Variants in ANO4 observed in about 807,000 individuals in gnomAD.
The protein encoded by ANO4 is anoctamin 4, also known as anoctamin-4.
A neutral mutation model predicts 141.9 loss-of-function variants in ANO4; 69 were observed. The ratio of observed to expected loss-of-function variants is 0.49; its 90% CI spans 0.40 to 0.59. The LOEUF (loss-of-function observed/expected upper bound fraction) is 0.59, where lower values mean the gene tolerates loss of function less well. Ranked by LOEUF, ANO4 falls within the 20% of genes least tolerant of loss-of-function variation. The pLI is 0.00. For missense variants in ANO4, 894 were observed against 1,162.2 expected (o/e 0.77, Z 3.36); for synonymous variants, 350 against 394.3 (o/e 0.89, Z 1.33).
At position 100,971,222 on chromosome 12, in the gene ANO4, T is replaced by C. The variant is rs1206460190; in HGVS notation, c.457-84T>C. Reference sequence around the variant, plus strand: ...CCCCAAATCATAAACTCTGTCCAGGTCCATGCATTCTAAGTTCCAACTCAA... The same window carrying C: ...CCCCAAATCATAAACTCTGTCCAGGCCCATGCATTCTAAGTTCCAACTCAA... On this transcript the variant is annotated intron_variant, in intron 5 of 27. Coordinates refer to ENST00000392977, the MANE Select transcript of ANO4 (RefSeq NM_001286615.2). 1.0e-5 allele frequency: 9 copies of C among 899,334 alleles called. No individual in the cohort carries two copies. In the East Asian group the frequency reaches 2.3e-4, roughly 23 times the overall value. 55.7% of individuals were successfully genotyped at this position (899,334 alleles called of 1,614,324 possible). A position where few individuals can be genotyped will look rare whatever the true frequency, so the allele number is the denominator to read the frequency against.
chr12:101,010,939 C>T (rs944492414), intron 8 of ANO4, among the ~76,000 whole-genome samples: 1 of 152,080 alleles, frequency 6.6e-6, no homozygotes, highest in Non-Finnish European at 1.5e-5. Flanking sequence ...GAAGTTCTTC[C>T]ACTGCTTTCA....
intron 3 of ANO4, among the ~76,000 whole-genome samples, chr12:100,752,845 T>C (rs1267584421): frequency 6.6e-6 from 1 of 152,166 alleles, no homozygotes; most frequent in African/African-American, 2.4e-5. Flanking sequence ...TAATACTGAA[T>C]AACAAACAAC....
intron 2 of ANO4, among the ~76,000 whole-genome samples, chr12:100,902,585 C>G (rs2040644040): frequency 6.6e-6 from 1 of 152,164 alleles, no homozygotes; most frequent in Admixed American, 6.5e-5. Flanking sequence ...TCACCCAATC[C>G]TGATTCCTCT....
intron 9 of ANO4, 102 bp from the exon 10 acceptor site, chr12:101,036,993 C>A: frequency 1.3e-5 from 15 of 1,164,190 alleles, no homozygotes; most frequent in Non-Finnish European, 1.9e-5. Flanking sequence ...GGGTTGATAG[C>A]CTAGATTGTT....
At chr12:101,093,229 A>T (rs2049848633) in intron 17 of ANO4, among the ~76,000 whole-genome samples, 1 of 152,190 alleles carries the variant, frequency 6.6e-6, no homozygotes, top group Non-Finnish European at 1.5e-5. Flanking sequence ...CATACAGATT[A>T]TGTTGTTTAT....
chr12:100,985,372 C>A (rs2044663120), intron 7 of ANO4, among the ~76,000 whole-genome samples: 1 of 152,158 alleles, frequency 6.6e-6, no homozygotes, highest in South Asian at 2.1e-4. Context: ...GCCAGCATTT[C>A]CTGTATACCA....
At chr12:100,787,062 G>A (rs117332048) in intron 3 of ANO4, among the ~76,000 whole-genome samples, 3 of 152,228 alleles carry the variant, frequency 2.0e-5, no homozygotes, top group African/African-American at 7.2e-5. Context: ...TTATAATCAC[G>A]TATTTGAGTG....
chr12:100,725,761 CAG>C (rs1472975013), intron 1 of ANO4, among the ~76,000 whole-genome samples: 1 of 152,172 alleles, frequency 6.6e-6, no homozygotes, highest in Non-Finnish European at 1.5e-5. Context: ...TTCCCCAAAT[CAG>C]AGTGAAACGG....
intron 8 of ANO4, among the ~76,000 whole-genome samples, chr12:100,992,190 G>A (rs750256404): frequency 6.6e-6 from 1 of 152,166 alleles, no homozygotes. Context: ...ATACTGCATG[G>A]TGTCTTCAAA....
chr12:101,123,077 G>C (rs11837299), intron 26 of ANO4, among the ~76,000 whole-genome samples: 23,048 of 152,018 alleles, frequency 0.15, 1,757 homozygotes, highest in East Asian at 0.19. Flanking sequence ...ATATATTAAA[G>C]CCAGATTAAT....
intron 22 of ANO4, among the ~76,000 whole-genome samples, chr12:101,101,939 C>T (rs185062109): frequency 1.3e-5 from 2 of 152,200 alleles, no homozygotes; most frequent in African/African-American, 4.8e-5. Flanking sequence ...CAAAAATTAG[C>T]TGGGCGCAGT....
At chr12:100,973,960 A>G (rs10860669) in intron 6 of ANO4, among the ~76,000 whole-genome samples, 62,475 of 152,062 alleles carry the variant, frequency 0.41, 13,031 homozygotes, top group East Asian at 0.62. Flanking sequence ...AAAATTGGTG[A>G]TATATAAACT....
At chr12:100,939,219 A>G in intron 3 of ANO4, 96 bp from the exon 4 acceptor site, 1 of 1,288,902 alleles carries the variant, frequency 7.8e-7, no homozygotes, top group Non-Finnish European at 1.1e-6. Flanking sequence ...AAATGATGAG[A>G]AAATATGAAC....
intron 8 of ANO4, among the ~76,000 whole-genome samples, chr12:100,997,321 G>A (rs1303734234): frequency 7.3e-5 from 9 of 124,036 alleles, no homozygotes; most frequent in Non-Finnish European, 1.3e-4. Context: ...GACAGAGCGA[G>A]ACTCTGTCTC....
In ANO4 at chr12:101,066,292, C is replaced by T. The variant is rs150162143; in HGVS notation, c.1313-12901C>T. On this transcript the variant is annotated intron_variant, in intron 14 of 27. Transcript: ENST00000392977. ...TCAAATATGAGAAAGAAATAAATGG[C>T]ACCCAAATTGGAAAGGAAGACATCA... Among the ~76,000 whole-genome samples the T allele has an allele frequency of 9.2e-4, 140 of 152,250 alleles. 2 individuals are homozygous for T. In the East Asian group the frequency reaches 0.019, roughly 21 times the overall value.
At chr12:100,888,274 T>A (rs2039936142) in intron 1 of ANO4, among the ~76,000 whole-genome samples, 1 of 152,194 alleles carries the variant, frequency 6.6e-6, no homozygotes. Flanking sequence ...ACTCTCACAG[T>A]GAGGGTTCAG....
intron 1 of ANO4, among the ~76,000 whole-genome samples, chr12:100,855,041 C>T (rs535667287): frequency 8.7e-4 from 132 of 152,070 alleles, no homozygotes; most frequent in Non-Finnish European, 1.7e-3. Context: ...CCCCTAAGTT[C>T]TAAAGTCTAA....
chr12:100,814,755 C>G (rs1265778609), intron 1 of ANO4, among the ~76,000 whole-genome samples: 1 of 151,986 alleles, frequency 6.6e-6, no homozygotes, highest in Non-Finnish European at 1.5e-5. Flanking sequence ...GATGTTGGGG[C>G]CCTGGTGAAT....
chr12:100,789,938 A>G (rs1368304365), upstream of ANO4, among the ~76,000 whole-genome samples: 1 of 152,206 alleles, frequency 6.6e-6, no homozygotes, highest in Non-Finnish European at 1.5e-5. Flanking sequence ...TATTTGATAA[A>G]AAGACGAGAA....
Sources: gnomAD v4.1 joint callset for allele counts (sites outside exome capture counted in the v4.1 genomes callset) on GRCh38, gnomAD v4.1.1 for gene constraint, MANE v1.5 for transcripts, NCBI Gene and HGNC (gene_info 2026-07-23, HGNC 2026-07-21) for gene names.